Variants in FTO observed in about 807,000 individuals in gnomAD.
The protein encoded by FTO is FTO alpha-ketoglutarate dependent dioxygenase.
Under a neutral mutation model 63.9 loss-of-function variants are expected in FTO, and 47 were observed. The ratio of observed to expected loss-of-function variants is 0.74; its 90% CI spans 0.58 to 0.94. The LOEUF is 0.94. FTO is among the 40% of genes least tolerant of loss of function. FTO has a pLI of 0.00. For synonymous variants in FTO, 207 were observed against 224.4 expected (o/e 0.92, Z 0.69); for missense variants, 562 against 618.1 (o/e 0.91, Z 0.96).
chr16:54,037,853 CA>C (rs2084977778), intron 8 of FTO, among the ~76,000 whole-genome samples: 1 of 152,166 alleles, frequency 6.6e-6, no homozygotes, highest in African/African-American at 2.4e-5. Context: ...ATGCATATAT[CA>C]ACTAGGCTTG....
At chr16:54,031,641 G>T (rs1161126491) in intron 8 of FTO, among the ~76,000 whole-genome samples, 1 of 152,106 alleles carries the variant, frequency 6.6e-6, no homozygotes. Context: ...CCAGTCTTAG[G>T]TTTTATGATA....
chr16:53,762,717 A>G (rs1418234094), intron 1 of FTO, among the ~76,000 whole-genome samples: 1 of 152,176 alleles, frequency 6.6e-6, no homozygotes, highest in Non-Finnish European at 1.5e-5. Flanking sequence ...AAATAAAGAA[A>G]TGATGAATAT....
Position 53,933,846 on chromosome 16 carries a change from C to T in FTO, c.1240-139C>T, listed in dbSNP as rs1051474257. 4 of 804,334 alleles carry T rather than the reference C, an allele frequency of 5.0e-6. No individual in the cohort carries two copies. In the African/African-American group the frequency reaches 7.0e-5, roughly 14 times the overall value. 49.8% of individuals were successfully genotyped at this position (804,334 alleles called of 1,614,324 possible). On this transcript the variant is annotated intron_variant, in intron 7 of 8. Coordinates refer to ENST00000471389, the MANE Select transcript of FTO (RefSeq NM_001080432.3). The stretch of plus-strand genomic sequence containing the variant: ...AAAATATATGCCGGCCATTTTTGGC[C>T]ATCATTTACTGCATTGATTTGTTAG...
At chr16:53,940,663 G>T (rs74022304) in intron 8 of FTO, among the ~76,000 whole-genome samples, 1 of 152,270 alleles carries the variant, frequency 6.6e-6, no homozygotes, top group East Asian at 1.9e-4. Context: ...CATTTGGGTC[G>T]AAGGAGCCTT....
chr16:53,921,547 T>C (rs2082007695), intron 7 of FTO, among the ~76,000 whole-genome samples: 1 of 152,166 alleles, frequency 6.6e-6, no homozygotes, highest in Non-Finnish European at 1.5e-5. Flanking sequence ...ATTAGGGGCA[T>C]GTGTGTGTTG....
At chr16:54,108,704 G>A (rs1326962558) in intron 8 of FTO, among the ~76,000 whole-genome samples, 2 of 152,162 alleles carry the variant, frequency 1.3e-5, no homozygotes, top group Non-Finnish European at 2.9e-5. Context: ...TCTAAACACT[G>A]CGTATAATTC....
intron 2 of FTO, among the ~76,000 whole-genome samples, chr16:53,811,853 C>A (rs910777844): frequency 3.9e-5 from 6 of 152,258 alleles, no homozygotes; most frequent in African/African-American, 1.4e-4. Context: ...CACTCTGTCA[C>A]CCAGACTGGA....
chr16:53,995,337 G>A (rs1297582825), intron 8 of FTO, among the ~76,000 whole-genome samples: 4 of 152,202 alleles, frequency 2.6e-5, no homozygotes, highest in Admixed American at 1.3e-4. Flanking sequence ...ACCAACAGAT[G>A]CCTAACATAA....
intron 8 of FTO, among the ~76,000 whole-genome samples, chr16:53,970,024 T>C (rs1288690411): frequency 3.3e-5 from 5 of 152,238 alleles, no homozygotes; most frequent in Admixed American, 2.6e-4. Flanking sequence ...CTGAGGAGCA[T>C]GTCCAACGGA....
intron 1 of FTO, among the ~76,000 whole-genome samples, chr16:53,764,808 C>T (rs960983461): frequency 2.0e-5 from 3 of 152,096 alleles, no homozygotes; most frequent in Admixed American, 1.3e-4. Context: ...CAACCTCTGC[C>T]TCCAGGGTTC....
intron 3 of FTO, among the ~76,000 whole-genome samples, chr16:53,829,374 GA>G: frequency 6.6e-6 from 1 of 152,316 alleles, no homozygotes; most frequent in Middle Eastern, 3.4e-3. Context: ...CGATGAAACA[GA>G]ACCTTTCTGT....
chr16:53,833,825 A>G (rs1289554853), intron 3 of FTO, among the ~76,000 whole-genome samples: 1 of 152,162 alleles, frequency 6.6e-6, no homozygotes, highest in Non-Finnish European at 1.5e-5. Context: ...TTTCCTAATA[A>G]TTAATGATGT....
At chr16:53,738,147 C>T (rs949294652) in intron 1 of FTO, among the ~76,000 whole-genome samples, 1 of 151,624 alleles carries the variant, frequency 6.6e-6, no homozygotes, top group East Asian at 1.9e-4. Context: ...CTCAGCCTTC[C>T]GGGTAGCTGG....
In FTO at chr16:54,030,165, C is replaced by T. The variant is rs77392079; in HGVS notation, c.1365-81597C>T. Among the ~76,000 whole-genome samples the T allele has an allele frequency of 3.2e-4, 49 of 152,194 alleles. No individual in the cohort carries two copies. In the East Asian group the frequency reaches 8.7e-3, roughly 27 times the overall value. On this transcript the variant is annotated intron_variant, in intron 8 of 8. Coordinates refer to ENST00000471389, the MANE Select transcript of FTO (RefSeq NM_001080432.3). ...GCAGGCTTTAGTTTTCTACTAATAA[C>T]GTCTAGAATGACACACAGGACCACC...
chr16:53,736,720 A>G (rs1020808335), intron 1 of FTO, among the ~76,000 whole-genome samples: 3 of 152,086 alleles, frequency 2.0e-5, no homozygotes, highest in Non-Finnish European at 4.4e-5. Flanking sequence ...ACTTTGATTC[A>G]ATGTAGGTCT....
chr16:53,764,144 T>C (rs555047330), intron 1 of FTO: 12 of 152,290 alleles, frequency 7.9e-5, no homozygotes, highest in African/African-American at 2.9e-4. Context: ...TATTAGCTCC[T>C]TTCTCCTTCC....
chr16:53,949,913 CAGAA>C (rs143925076), intron 8 of FTO, among the ~76,000 whole-genome samples: 8,175 of 151,994 alleles, frequency 0.054, 602 homozygotes, highest in African/African-American at 0.17. Context: ...AATCCAGAAA[CAGAA>C]AGCAAAGACT....
At position 53,971,415 on chromosome 16, in the gene FTO, A is replaced by G. The variant is rs559467211; in HGVS notation, c.1364+37306A>G. Among the ~76,000 whole-genome samples, 11 of 152,334 alleles carry G rather than the reference A, an allele frequency of 7.2e-5. No individual in the cohort carries two copies. In the South Asian group the frequency reaches 2.3e-3, roughly 32 times the overall value. Reference sequence around the variant, plus strand: ...CAGCAAAGTATACATTTATCCTTGAAGCATTATTATATTTTTGAGGTTTTT... The same window carrying G: ...CAGCAAAGTATACATTTATCCTTGAGGCATTATTATATTTTTGAGGTTTTT... On this transcript the variant is annotated intron_variant, in intron 8 of 8. Coordinates refer to ENST00000471389, the MANE Select transcript of FTO (RefSeq NM_001080432.3).
At chr16:53,931,661 G>A (rs1387423353) in intron 7 of FTO, among the ~76,000 whole-genome samples, 1 of 151,838 alleles carries the variant, frequency 6.6e-6, no homozygotes, top group African/African-American at 2.4e-5. Context: ...CATGAAGTAG[G>A]GTGTCACAGA....
Sources: gnomAD v4.1 joint callset for allele counts (sites outside exome capture counted in the v4.1 genomes callset) on GRCh38, gnomAD v4.1.1 for gene constraint, MANE v1.5 for transcripts, NCBI Gene and HGNC (gene_info 2026-07-23, HGNC 2026-07-21) for gene names.